Variants in CWC22 observed in about 807,000 individuals in gnomAD.
CWC22 encodes the protein CWC22 spliceosome associated protein.
A neutral mutation model predicts 117.2 loss-of-function variants in CWC22; 53 were observed. The observed-to-expected ratio is 0.45, with a 90% CI of 0.36 to 0.57. The LOEUF is 0.57. CWC22 is among the 20% of genes least tolerant of loss of function. The probability of loss-of-function intolerance (pLI) is 0.00; values close to 1 mark genes in which losing one functional copy is unlikely to be tolerated. For missense variants in CWC22, 980 were observed against 1,068.8 expected (o/e 0.92, Z 1.16); for synonymous variants, 360 against 355.6 (o/e 1.01, Z -0.14).
intron 17 of CWC22, among the ~76,000 whole-genome samples, chr2:179,951,879 A>G: frequency 6.6e-6 from 1 of 152,078 alleles, no homozygotes; most frequent in South Asian, 2.1e-4. Flanking sequence ...CAACTGCATA[A>G]GTGAGGCAGA....
intron 8 of CWC22, among the ~76,000 whole-genome samples, chr2:179,971,308 T>C (rs564209075): frequency 6.6e-6 from 1 of 152,260 alleles, no homozygotes; most frequent in South Asian, 2.1e-4. Flanking sequence ...AATCTTAATT[T>C]TCTATGCTGA....
At chr2:179,951,345 C>G (rs979454362) in intron 17 of CWC22, among the ~76,000 whole-genome samples, 3 of 151,736 alleles carry the variant, frequency 2.0e-5, no homozygotes, top group Admixed American at 1.3e-4. Context: ...GTGCCAAGTA[C>G]TGGGGGAGAG....
intron 1 of CWC22, among the ~76,000 whole-genome samples, chr2:179,994,940 C>A (rs112967979): frequency 6.6e-5 from 10 of 152,262 alleles, no homozygotes; most frequent in African/African-American, 1.9e-4. Context: ...CACAGTGAAA[C>A]CCCGTCTCTA....
chr2:179,960,853 A>G (rs1686732245), intron 13 of CWC22, among the ~76,000 whole-genome samples: 1 of 152,030 alleles, frequency 6.6e-6, no homozygotes, highest in Admixed American at 6.5e-5. Context: ...TTGAGACAGC[A>G]GCAACCACAG....
At position 180,007,064 on chromosome 2, in the gene CWC22, A is replaced by G; in HGVS notation, c.-311T>C. On this transcript the variant is annotated 5_prime_UTR_variant, in exon 1 of 20. Transcript: ENST00000410053. Reference sequence around the variant, plus strand: ...CTGCGGGGACTCCACGGAGTTCGATAATTACCTAGAGCTCCACCGCGCCGC... The same window carrying G: ...CTGCGGGGACTCCACGGAGTTCGATGATTACCTAGAGCTCCACCGCGCCGC... The G allele has an allele frequency of 6.6e-6, 1 of 152,040 alleles. No individual in the cohort carries two copies. The highest frequency in any genetic ancestry group is 1.9e-4 in the East Asian group (1 of 5,180). The allele number at this position is 152,040 out of a possible 1,614,324, so 9.4% of individuals were successfully genotyped here. A position where few individuals can be genotyped will look rare whatever the true frequency, so the allele number is the denominator to read the frequency against.
chr2:179,954,978 T>A lies in CWC22; in HGVS notation c.1515A>T (p.Lys505Asn). The A allele has an allele frequency of 2.5e-6, 4 of 1,599,910 alleles. No individual in the cohort carries two copies. Among genetic ancestry groups the A allele is most frequent in the Non-Finnish European group, 3.4e-6 (4 of 1,172,356 alleles). ...DCCAQQRTYE[K>N]FFGLLAGRFC... Reference sequence around the variant, plus strand: ...TCACCCCAGCTAATAAGCCAAAAAATTTTTCGTATGTCCTCTGTTGGGCAC... The same window carrying A: ...TCACCCCAGCTAATAAGCCAAAAAAATTTTCGTATGTCCTCTGTTGGGCAC... Residue 505 changes from lysine (K) to asparagine (N), a missense_variant, in exon 15 of 20, where the codon AAA (lysine) becomes AAT (asparagine). Physicochemically the swap from Lys to Asn is moderately conservative, Grantham distance 94 (BLOSUM62 0). Coordinates refer to ENST00000410053, the MANE Select transcript of CWC22 (RefSeq NM_020943.3).
chr2:179,954,833 G>A (rs1396045069), intron 15 of CWC22, 124 bp downstream of exon 15: 2 of 626,966 alleles, frequency 3.2e-6, no homozygotes, highest in Non-Finnish European at 5.7e-6. Flanking sequence ...CCTGAGGAAG[G>A]AGAGAATAAT....
intron 11 of CWC22, among the ~76,000 whole-genome samples, chr2:179,969,008 A>T (rs1305936763): frequency 6.6e-6 from 1 of 152,224 alleles, no homozygotes; most frequent in Non-Finnish European, 1.5e-5. Context: ...CAACCCACAT[A>T]AAAAGAAGCT....
intron 6 of CWC22, among the ~76,000 whole-genome samples, chr2:179,974,582 G>T (rs1310985409): frequency 1.3e-5 from 2 of 152,138 alleles, no homozygotes; most frequent in Admixed American, 1.3e-4. Context: ...ATAAGAAAAA[G>T]GATGCAGCTT....
chr2:179,951,076 C>T (rs1470190610), intron 17 of CWC22, 150 bp from the exon 18 acceptor site: 4 of 570,298 alleles, frequency 7.0e-6, no homozygotes, highest in South Asian at 4.3e-5. Context: ...GGTTAGGCTA[C>T]GTGCTATCTA....
intron 5 of CWC22, among the ~76,000 whole-genome samples, chr2:179,979,479 C>T (rs897781906): frequency 1.3e-5 from 2 of 152,118 alleles, no homozygotes; most frequent in Non-Finnish European, 2.9e-5. Flanking sequence ...CATTCATGGA[C>T]TGATTGCTTG....
At chr2:179,966,253 G>A (rs1686887582) in intron 11 of CWC22, among the ~76,000 whole-genome samples, 3 of 152,278 alleles carry the variant, frequency 2.0e-5, no homozygotes, top group Non-Finnish European at 2.9e-5. Context: ...AAAAGTAGAC[G>A]ATGGTTTTTG....
Position 179,950,922 on chromosome 2 carries a change from G to A in CWC22, c.1822C>T (p.Leu608=). 6.4e-7 allele frequency: 1 copy of A among 1,557,190 alleles called. No individual in the cohort carries two copies. Among genetic ancestry groups the A allele is most frequent in the Non-Finnish European group, 8.7e-7 (1 of 1,148,044 alleles). The change falls in exon 18 of 20, where the codon CTG becomes TTG. Residue 608 remains leucine (L), a synonymous_variant. Coordinates refer to ENST00000410053, the MANE Select transcript of CWC22 (RefSeq NM_020943.3). ...AATAATCCTTCAAAGAATGGCTGCA[G>A]AGTTCTAAAAAGGAAAAAAATAAAC... ...KLNARLKDET[L]QPFFEGLLPR...
At chr2:179,990,257 T>A (rs888479978) in intron 2 of CWC22, among the ~76,000 whole-genome samples, 1 of 152,182 alleles carries the variant, frequency 6.6e-6, no homozygotes, top group African/African-American at 2.4e-5. Context: ...GAAATAGAAA[T>A]GTTCAATATA....
intron 19 of CWC22, among the ~76,000 whole-genome samples, chr2:179,947,183 T>C (rs1002576418): frequency 3.3e-5 from 5 of 152,162 alleles, no homozygotes; most frequent in East Asian, 1.9e-4. Flanking sequence ...TAAATCTCAC[T>C]GTACCAGCCT....
intron 6 of CWC22, among the ~76,000 whole-genome samples, chr2:179,976,724 G>T (rs931148061): frequency 1.6e-4 from 24 of 152,036 alleles, no homozygotes; most frequent in African/African-American, 5.8e-4. Flanking sequence ...CTGTTACAAT[G>T]GCTGTAATAA....
rs182659567 is a variant in CWC22 at position 180,007,192 on chromosome 2, G to A, written c.-439C>T. On this transcript the variant is annotated 5_prime_UTR_variant, in exon 1 of 20. In the 5' UTR this introduces an upstream ATG that the reference lacks. Transcript: ENST00000410053. ...ACTTGACGCTCAATTGGCTTGACAC[G>A]TTATCCCTTTAATTTATTTCAAATA... The A allele has an allele frequency of 7.9e-5, 12 of 152,356 alleles. No homozygotes were observed. The East Asian group carries it at 2.1e-3, about 27-fold the overall frequency. The allele number at this position is 152,356 out of a possible 1,614,324, so 9.4% of individuals were successfully genotyped here. A position where few individuals can be genotyped will look rare whatever the true frequency, so the allele number is the denominator to read the frequency against.
intron 1 of CWC22, among the ~76,000 whole-genome samples, chr2:180,005,688 A>G (rs1255384247): frequency 2.0e-5 from 3 of 152,238 alleles, no homozygotes; most frequent in Admixed American, 1.3e-4. Flanking sequence ...GAACTCATCA[A>G]CTGTATCATA....
chr2:179,985,509 T>C (rs1404458414), intron 4 of CWC22, among the ~76,000 whole-genome samples: 1 of 151,968 alleles, frequency 6.6e-6, no homozygotes, highest in African/African-American at 2.4e-5. Context: ...CCTGAGCAAA[T>C]ACAGAGGCCC....
Sources: gnomAD v4.1 joint callset for allele counts (sites outside exome capture counted in the v4.1 genomes callset) on GRCh38, gnomAD v4.1.1 for gene constraint, MANE v1.5 for transcripts, NCBI Gene and HGNC (gene_info 2026-07-23, HGNC 2026-07-21) for gene names.